The following LHX6 variants were observed in gnomAD, a reference collection of about 807,000 sequenced individuals.
LHX6 encodes the protein LIM homeobox 6, also known as LIM/homeobox protein Lhx6.
In LHX6, 15 loss-of-function variants were observed where a neutral mutation model predicts 47.1. That is an observed-to-expected ratio of 0.32 (90% confidence interval 0.21 to 0.49). The LOEUF (loss-of-function observed/expected upper bound fraction) is 0.49, where lower values mean the gene tolerates loss of function less well. Ranked by LOEUF, LHX6 falls within the 20% of genes least tolerant of loss-of-function variation. LHX6 has a pLI of 0.99. For synonymous variants in LHX6, 242 were observed against 233.5 expected (o/e 1.04, Z -0.33); for missense variants, 404 against 539.6 (o/e 0.75, Z 2.49).
At position 122,209,639 on chromosome 9, in the gene LHX6, C is replaced by G; in HGVS notation, c.1133G>C (p.Gly378Ala). Residue 378 changes from glycine (G) to alanine (A), a missense_variant, in exon 9 of 10, where the codon GGG (glycine) becomes GCG (alanine). Physicochemically the swap from Gly to Ala is moderately conservative, Grantham distance 60 (BLOSUM62 0). This residue lies in a region of LHX6 where 127 missense variants were observed against 116.1 expected (regional missense o/e 1.09). Coordinates refer to ENST00000394319, the MANE Select transcript of LHX6 (RefSeq NM_014368.5). Reference sequence around the variant, plus strand: ...CTTCTCACCCCGGTTGGAGAGCGGCCCATCCATATCGGCTTTGAGGTGGAC... The same window carrying G: ...CTTCTCACCCCGGTTGGAGAGCGGCGCATCCATATCGGCTTTGAGGTGGAC... The part of the protein sequence containing the change: ...PPVHLKADMD[G>A]PLSNRGEKVI... 6.3e-7 allele frequency: 1 copy of G among 1,575,826 alleles called. No individual in the cohort carries two copies. The highest frequency in any genetic ancestry group is 8.7e-7 in the Non-Finnish European group (1 of 1,145,020).
At position 122,214,702 on chromosome 9, in the gene LHX6, C is replaced by A. The variant is rs1830533429; in HGVS notation, c.683-319G>T. On this transcript the variant is annotated intron_variant, in intron 5 of 9. Transcript: ENST00000394319. The surrounding 1 kb of genome is among the most constrained non-coding windows in gnomAD (Gnocchi z 4.6). The stretch of plus-strand genomic sequence containing the variant: ...CTGCCCTGGCCCTTTCAACTAGAAT[C>A]CGAAAGCTAGCTGACCCTAATGTCC... Among the ~76,000 whole-genome samples, 1 of 152,158 alleles carries A rather than the reference C, an allele frequency of 6.6e-6. No individual in the cohort carries two copies. Among genetic ancestry groups the A allele is most frequent in the Non-Finnish European group, 1.5e-5 (1 of 68,038 alleles).
intron 4 of LHX6, chr9:122,221,683 A>G: frequency 1.0e-6 from 1 of 985,502 alleles, no homozygotes; most frequent in South Asian, 4.7e-5. Context: ...CTCCATTCAC[A>G]GGCCTCTGAG....
At chr9:122,221,482 G>T (rs1830857580) in intron 4 of LHX6, 9 of 985,562 alleles carry the variant, frequency 9.1e-6, no homozygotes, top group Non-Finnish European at 1.1e-5. Context: ...AAGGCGGAGG[G>T]CCAGAGAAGG....
At chr9:122,206,674 C>T (rs1588332558) in intron 9 of LHX6, among the ~76,000 whole-genome samples, 1 of 152,176 alleles carries the variant, frequency 6.6e-6, no homozygotes, top group African/African-American at 2.4e-5. Context: ...ACAAGCTTAG[C>T]TGAGCAACCA....
chr9:122,215,649 T>C (rs944632419), intron 5 of LHX6, among the ~76,000 whole-genome samples: 1 of 152,248 alleles, frequency 6.6e-6, no homozygotes, highest in African/African-American at 2.4e-5. Flanking sequence ...GCTGACTTGC[T>C]GACCACTGCA....
At chr9:122,204,883 C>T (rs1830114149) in intron 9 of LHX6, 103 bp from the exon 10 acceptor site, 7 of 719,860 alleles carry the variant, frequency 9.7e-6, no homozygotes, top group Non-Finnish European at 1.5e-5. Context: ...GGACTCAGGG[C>T]CCAGATCTGA....
At position 122,226,658 on chromosome 9, in the gene LHX6, A is replaced by G. The variant is rs920688218; in HGVS notation, c.340-161T>C. On this transcript the variant is annotated intron_variant, in intron 3 of 9. Coordinates refer to ENST00000394319, the MANE Select transcript of LHX6 (RefSeq NM_014368.5). The surrounding 1 kb of genome is among the most constrained non-coding windows in gnomAD (Gnocchi z 6.5). ...AATACTGAGACTCAGGGAAATGGAAATAAACTCTTCTTATTTTTCAGACGG... is the reference window on the plus strand; with the variant it reads ...AATACTGAGACTCAGGGAAATGGAAGTAAACTCTTCTTATTTTTCAGACGG... 14 of 1,276,894 alleles carry G rather than the reference A, an allele frequency of 1.1e-5. No individual in the cohort carries two copies. The highest frequency in any genetic ancestry group is 1.5e-5 in the Non-Finnish European group (14 of 939,154). The allele number at this position is 1,276,894 out of a possible 1,614,324, so 79.1% of individuals were successfully genotyped here.
In LHX6 at chr9:122,228,490, C is replaced by G. The variant is rs1333300672; in HGVS notation, c.84+167G>C. 2.3e-6 allele frequency: 3 copies of G among 1,330,942 alleles called. No individual in the cohort carries two copies. The African/African-American group carries it at 5.9e-5, about 26-fold the overall frequency. 82.4% of individuals were successfully genotyped at this position (1,330,942 alleles called of 1,614,324 possible). A position where few individuals can be genotyped will look rare whatever the true frequency, so the allele number is the denominator to read the frequency against. The stretch of plus-strand genomic sequence containing the variant: ...AATGTGTTCCCGCTTTCCGCGACCC[C>G]CCCCCCCCGCTCGCGCGCGCGCTCC... On this transcript the variant is annotated intron_variant, in intron 1 of 9. Transcript: ENST00000394319.
At chr9:122,219,908 A>G (rs1201515134) in intron 4 of LHX6, among the ~76,000 whole-genome samples, 2 of 152,186 alleles carry the variant, frequency 1.3e-5, no homozygotes, top group African/African-American at 4.8e-5. Flanking sequence ...CGGGCCGCTG[A>G]TTCTGGAATC....
At chr9:122,219,600 G>T (rs949659349) in intron 4 of LHX6, among the ~76,000 whole-genome samples, 13 of 152,308 alleles carry the variant, frequency 8.5e-5, no homozygotes, top group African/African-American at 2.9e-4. Context: ...CCAGCCGCGC[G>T]TAGAGACCTT....
At chr9:122,221,721 C>T in intron 4 of LHX6, 1 of 985,524 alleles carries the variant, frequency 1.0e-6, no homozygotes, top group Non-Finnish European at 1.2e-6. Flanking sequence ...GTTGCAAGAT[C>T]ACCCAGGGAG....
rs907652829 is a variant in LHX6, at chr9:122,226,139, A to G, written c.461+237T>C. 1.3e-5 allele frequency among the ~76,000 whole-genome samples: 2 copies of G among 152,148 alleles called. No homozygotes were observed. Among genetic ancestry groups the G allele is most frequent in the Non-Finnish European group, 1.5e-5 (1 of 68,026 alleles). ...GAGCCAGAGACGATACCGAAACCCA[A>G]TGGACCGCGAGGACCGAAGGCAGAT... On this transcript the variant is annotated intron_variant, in intron 4 of 9. Coordinates refer to ENST00000394319, the MANE Select transcript of LHX6 (RefSeq NM_014368.5). This position sits in a 1 kb window ranked among gnomAD's most constrained non-coding sequence, Gnocchi z 6.5.
Position 122,214,253 on chromosome 9 carries a change from GC to G in LHX6, c.783+29del. ...CCCGCCCACTTTCGGCCCGGCCCCC[GC>G]CCCCGCCGCCCACTGCTTGCAGCGG... On this transcript the variant is annotated intron_variant, in intron 6 of 9. Transcript: ENST00000394319. This position sits in a 1 kb window ranked among gnomAD's most constrained non-coding sequence, Gnocchi z 4.6. The G allele has an allele frequency of 1.5e-6, 2 of 1,309,598 alleles. No homozygotes were observed. The highest frequency in any genetic ancestry group is 1.6e-5 in the African/African-American group (1 of 63,074). 81.1% of individuals were successfully genotyped at this position (1,309,598 alleles called of 1,614,324 possible).
At chr9:122,212,071 T>G (rs899682669) in intron 8 of LHX6, among the ~76,000 whole-genome samples, 1 of 152,034 alleles carries the variant, frequency 6.6e-6, no homozygotes, top group African/African-American at 2.4e-5. Context: ...CCAAAACCAC[T>G]CCCACCATCA....
rs1201794200 is a variant in LHX6 at position 122,226,568 on chromosome 9, T to A, written c.340-71A>T. The A allele has an allele frequency of 6.4e-7, 1 of 1,568,896 alleles. No homozygotes were observed. Among genetic ancestry groups the A allele is most frequent in the East Asian group, 2.3e-5 (1 of 44,134 alleles). The stretch of plus-strand genomic sequence containing the variant: ...TCACTCCGGGCCCCAGCCTTCCCGG[T>A]CTCATTTACAGTCAGAGGCGCTGAA... On this transcript the variant is annotated intron_variant, in intron 3 of 9. Transcript: ENST00000394319. The surrounding 1 kb of genome is among the most constrained non-coding windows in gnomAD (Gnocchi z 6.5).
intron 4 of LHX6, among the ~76,000 whole-genome samples, chr9:122,225,192 G>T (rs990880916): frequency 6.6e-6 from 1 of 152,212 alleles, no homozygotes; most frequent in African/African-American, 2.4e-5. Context: ...GAAGACTGAA[G>T]CCATGACGTC....
At chr9:122,223,247 A>G (rs1373440245) in intron 4 of LHX6, among the ~76,000 whole-genome samples, 1 of 152,138 alleles carries the variant, frequency 6.6e-6, no homozygotes, top group African/African-American at 2.4e-5. Context: ...TCTACCCTCA[A>G]CCCAGGGAAT....
chr9:122,212,883 T>C (rs1830446827), intron 8 of LHX6, among the ~76,000 whole-genome samples: 2 of 152,156 alleles, frequency 1.3e-5, no homozygotes, highest in African/African-American at 4.8e-5. Context: ...ACTCAAGATA[T>C]AGCTACTGAA....
At chr9:122,225,418 G>A (rs1831052743) in intron 4 of LHX6, among the ~76,000 whole-genome samples, 1 of 152,260 alleles carries the variant, frequency 6.6e-6, no homozygotes, top group South Asian at 2.1e-4. Context: ...ACCCTGCAGT[G>A]ACCTCGACCC....
Sources: gnomAD v4.1 joint callset for allele counts (sites outside exome capture counted in the v4.1 genomes callset) on GRCh38, gnomAD v4.1.1 for gene constraint, gnomAD v4.1.1 regional missense constraint, Gnocchi (gnomAD v3.1) non-coding constraint, MANE v1.5 for transcripts, NCBI Gene and HGNC (gene_info 2026-07-23, HGNC 2026-07-21) for gene names.